The following ACAP3 variants were observed in gnomAD, a reference collection of about 807,000 sequenced individuals.
The protein encoded by ACAP3 is arf-GAP with coiled-coil, ANK repeat and PH domain-containing protein 3.
In ACAP3, 56 loss-of-function variants were observed where a neutral mutation model predicts 104.1. The observed-to-expected ratio is 0.54, with a 90% confidence interval of 0.43 to 0.67. The LOEUF (loss-of-function observed/expected upper bound fraction) is 0.67, where lower values mean the gene tolerates loss of function less well. Among genes scored for constraint, ACAP3 ranks in the 30% least tolerant of loss-of-function variants. The pLI is 0.00. For synonymous variants in ACAP3, 628 were observed against 496.2 expected, an observed-to-expected ratio of 1.27 and a Z score of -3.53; for missense variants, 1,208 against 1,174.9, an observed-to-expected ratio of 1.03 and a Z score of -0.41.
intron 19 of ACAP3, 70 bp from the exon 20 acceptor site, chr1:1,294,886 G>C (rs1329446891): frequency 6.7e-7 from 1 of 1,484,842 alleles, no homozygotes; most frequent in Non-Finnish European, 9.1e-7. Flanking sequence ...CTGGGGCAAG[G>C]CTGGAACTCC....
Position 1,296,238 on chromosome 1 carries a change from CAGCGTCAGGG to C in ACAP3, c.1370_1379del (p.Ser457TrpfsTer9). The C allele has an allele frequency of 6.4e-7, 1 of 1,565,416 alleles. No homozygotes were observed. The highest frequency in any genetic ancestry group is 8.7e-7 in the Non-Finnish European group (1 of 1,154,876). ...TTAGCAGCTCAGGCTCCCACGAGTC[CAGCGTCAGGG>C]ACCGCACCTTGGAGCAGTGGACACC... On this transcript the variant is annotated frameshift_variant, in exon 16 of 24. Transcript: ENST00000354700. LOFTEE classifies it high-confidence loss of function.
chr1:1,306,862 G>A (rs914226524), intron 1 of ACAP3, among the ~76,000 whole-genome samples: 5 of 152,236 alleles, frequency 3.3e-5, no homozygotes, highest in Admixed American at 2.6e-4. Flanking sequence ...CACAGTACGT[G>A]AACCCACACA....
chr1:1,304,001 G>T, intron 2 of ACAP3, 85 bp downstream of exon 2: 1 of 1,503,136 alleles, frequency 6.7e-7, no homozygotes, highest in Non-Finnish European at 9.0e-7. Flanking sequence ...GGTGTAAGTG[G>T]CTTAGTAAGG....
chr1:1,298,551 G>T lies in ACAP3; in HGVS notation c.863+16C>A. Reference sequence around the variant, plus strand: ...CCGCCTAAGGACCCCGCCCCCACCTGAGGAAGGCCTCTCACCGGTTCCATG... The same window carrying T: ...CCGCCTAAGGACCCCGCCCCCACCTTAGGAAGGCCTCTCACCGGTTCCATG... On this transcript the variant is annotated intron_variant, in intron 11 of 23. Transcript: ENST00000354700. The T allele has an allele frequency of 2.3e-6, 3 of 1,280,688 alleles. No homozygotes were observed. Among genetic ancestry groups the T allele is most frequent in the Non-Finnish European group, 2.1e-6 (2 of 944,664 alleles). 79.3% of individuals were successfully genotyped at this position (1,280,688 alleles called of 1,614,324 possible). A position where few individuals can be genotyped will look rare whatever the true frequency, so the allele number is the denominator to read the frequency against.
chr1:1,294,937 C>G, intron 19 of ACAP3, 121 bp from the exon 20 acceptor site: 1 of 960,460 alleles, frequency 1.0e-6, no homozygotes, highest in Non-Finnish European at 1.5e-6. Context: ...AGGACCAGCT[C>G]CCACCCAGGG....
In ACAP3 at chr1:1,303,910, T is replaced by A; in HGVS notation, c.105+176A>T. ...TCAGGGCCAGCCACATGTGTGCATG[T>A]GACATGTGCACCCTGGAACACACAT... On this transcript the variant is annotated intron_variant, in intron 2 of 23. Transcript: ENST00000354700. The surrounding 1 kb of genome is among the most constrained non-coding windows in gnomAD (Gnocchi z 4.0). The A allele has an allele frequency of 1.3e-6, 1 of 757,280 alleles. No individual in the cohort carries two copies. The highest frequency in any genetic ancestry group is 1.7e-5 in the South Asian group (1 of 57,202). The allele number at this position is 757,280 out of a possible 1,614,324, so 46.9% of individuals were successfully genotyped here. A position where few individuals can be genotyped will look rare whatever the true frequency, so the allele number is the denominator to read the frequency against.
At chr1:1,295,702 C>T (rs1326327899) in intron 18 of ACAP3, 34 bp downstream of exon 18, 18 of 1,575,998 alleles carry the variant, frequency 1.1e-5, no homozygotes, top group Non-Finnish European at 1.4e-5. Flanking sequence ...CCAAGGCAAG[C>T]CCCTCCCAGC....
intron 14 of ACAP3, among the ~76,000 whole-genome samples, 161 bp from the exon 15 acceptor site, chr1:1,296,794 G>C (rs1054588903): frequency 1.6e-4 from 24 of 145,976 alleles, no homozygotes; most frequent in East Asian, 2.0e-4. Context: ...TGGGCAGATG[G>C]CCCCCCCCTC....
In ACAP3 at chr1:1,303,719, C is replaced by A. The variant is rs546762055; in HGVS notation, c.105+367G>T. ...TGGGGCTCATGGACACGGCTCCCCC[C>A]TCCACGGCCTGTTGCCCCCTCCCCT... On this transcript the variant is annotated intron_variant, in intron 2 of 23. Transcript: ENST00000354700. This position sits in a 1 kb window ranked among gnomAD's most constrained non-coding sequence, Gnocchi z 4.0. 1 of 432,638 alleles carries A rather than the reference C, an allele frequency of 2.3e-6. No individual in the cohort carries two copies. The highest frequency in any genetic ancestry group is 4.2e-6 in the Non-Finnish European group (1 of 236,958). The allele number at this position is 432,638 out of a possible 1,614,324, so 26.8% of individuals were successfully genotyped here.
chr1:1,294,555 G>A lies in ACAP3; in HGVS notation c.1986C>T (p.Asp662=), dbSNP rs1442563205. ...AGAGCCCCGGGTGCAGCTCGCGCACGTCCGCCAGGCCCCAGGCCTCGGCCT... is the reference window on the plus strand; with the variant it reads ...AGAGCCCCGGGTGCAGCTCGCGCACATCCGCCAGGCCCCAGGCCTCGGCCT... ...DTEAEAWGLA[D]VRELHPGLLA... Residue 662 remains aspartate (D), a synonymous_variant, in exon 21 of 24, where the codon GAC becomes GAT. Coordinates refer to ENST00000354700, the MANE Select transcript of ACAP3 (RefSeq NM_030649.3). 6.7e-7 allele frequency: 1 copy of A among 1,501,214 alleles called. No individual in the cohort carries two copies. Among genetic ancestry groups the A allele is most frequent in the Non-Finnish European group, 8.8e-7 (1 of 1,134,300 alleles). The allele number at this position is 1,501,214 out of a possible 1,614,324, so 93.0% of individuals were successfully genotyped here.
rs761882616 is a variant in ACAP3, at chr1:1,293,661, G to A, written c.2408C>T (p.Ala803Val). Reference protein sequence around the residue: ...MAEEMREAEAAPGPPGALAGS... With the variant: ...MAEEMREAEAVPGPPGALAGS... ...CGCCAGGGCGCCCGGGGGACCAGGG[G>A]CAGCCTCGGCCTCGCGCATTTCCTC... is the stretch of plus-strand genomic sequence containing the variant. The change falls in exon 24 of 24, where the codon GCC becomes GTC. Residue 803 changes from alanine to valine, a missense_variant. Transcript: ENST00000354700. 3.5e-5 allele frequency: 52 copies of A among 1,469,386 alleles called. No individual in the cohort carries two copies. Among genetic ancestry groups the A allele is most frequent in the African/African-American group, 1.5e-4 (10 of 65,604 alleles). 91.0% of individuals were successfully genotyped at this position (1,469,386 alleles called of 1,614,324 possible).
intron 14 of ACAP3, 51 bp downstream of exon 14, chr1:1,297,771 G>T (rs368880856): frequency 6.4e-7 from 1 of 1,557,582 alleles, no homozygotes; most frequent in African/African-American, 1.4e-5. Flanking sequence ...GGCCATCCCC[G>T]GTGGCACGTG....
intron 6 of ACAP3, 84 bp from the exon 7 acceptor site, chr1:1,300,286 G>C: frequency 6.8e-7 from 1 of 1,475,350 alleles, no homozygotes; most frequent in Non-Finnish European, 9.1e-7. Context: ...CACCTGAGCT[G>C]CTTGTGGTTC....
Position 1,294,245 on chromosome 1 carries a change from C to G in ACAP3, c.2140-46G>C, listed in dbSNP as rs781102648. ...AGACGGAGCCACGGCACCGGCCCCT[C>G]TCCGCGCCTCTGCACCCTGACCCCG... On this transcript the variant is annotated intron_variant, in intron 21 of 23. Transcript: ENST00000354700. The G allele has an allele frequency of 1.5e-4, 224 of 1,537,774 alleles. 1 individual carries two copies. Among genetic ancestry groups the G allele is most frequent in the Non-Finnish European group, 5.5e-5 (63 of 1,136,972 alleles).
In ACAP3 at chr1:1,303,586, A is replaced by G; in HGVS notation, c.106-305T>C. On this transcript the variant is annotated intron_variant, in intron 2 of 23. Transcript: ENST00000354700. This position sits in a 1 kb window ranked among gnomAD's most constrained non-coding sequence, Gnocchi z 4.0. ...GTGGGGCTCATGGATAAGGCTGCCCACTCCCAGCTCCACGGCCTGTTGCCC... is the reference window on the plus strand; with the variant it reads ...GTGGGGCTCATGGATAAGGCTGCCCGCTCCCAGCTCCACGGCCTGTTGCCC... 2.1e-6 allele frequency: 1 copy of G among 478,826 alleles called. No homozygotes were observed. Among genetic ancestry groups the G allele is most frequent in the Non-Finnish European group, 3.8e-6 (1 of 266,138 alleles). The allele number at this position is 478,826 out of a possible 1,614,324, so 29.7% of individuals were successfully genotyped here. A position where few individuals can be genotyped will look rare whatever the true frequency, so the allele number is the denominator to read the frequency against.
rs890418445 is a variant in ACAP3, at chr1:1,303,485, C to T, written c.106-204G>A. 1.3e-5 allele frequency: 9 copies of T among 668,342 alleles called. No homozygotes were observed. The highest frequency in any genetic ancestry group is 1.1e-4 in the African/African-American group (6 of 54,826). 41.4% of individuals were successfully genotyped at this position (668,342 alleles called of 1,614,324 possible). ...CCCGTCTGGGAGGGGAGGGTGGGGC[C>T]GCCACGGCTCGGCTGGGAGGGACCA... On this transcript the variant is annotated intron_variant, in intron 2 of 23. Transcript: ENST00000354700. The surrounding 1 kb of genome is among the most constrained non-coding windows in gnomAD (Gnocchi z 4.0).
rs1435109669 is a variant in ACAP3, at chr1:1,297,224, G to A, written c.1129-591C>T. ...GTGTGTGCACAGGCGCGGGGCAGGGGCCATCCCCGGTGGCACATGTGTGCA... is the reference window on the plus strand; with the variant it reads ...GTGTGTGCACAGGCGCGGGGCAGGGACCATCCCCGGTGGCACATGTGTGCA... On this transcript the variant is annotated intron_variant, in intron 14 of 23. Coordinates refer to ENST00000354700, the MANE Select transcript of ACAP3 (RefSeq NM_030649.3). Among the ~76,000 whole-genome samples, 19 of 113,864 alleles carry A rather than the reference G, an allele frequency of 1.7e-4. No individual in the cohort carries two copies. The Middle Eastern group carries it at 0.012, about 69-fold the overall frequency. 74.7% of individuals were successfully genotyped at this position (113,864 alleles called of 152,430 possible). A position where few individuals can be genotyped will look rare whatever the true frequency, so the allele number is the denominator to read the frequency against.
intron 1 of ACAP3, chr1:1,307,303 C>T: frequency 7.8e-7 from 1 of 1,289,214 alleles, no homozygotes; most frequent in Non-Finnish European, 1.0e-6. Context: ...GCCCCTGGGT[C>T]ATTCAAACCA....
intron 1 of ACAP3, 68 bp from the exon 2 acceptor site, chr1:1,304,211 C>CTCAGGGAGGT: frequency 6.5e-7 from 1 of 1,536,488 alleles, no homozygotes; most frequent in Non-Finnish European, 8.8e-7. Context: ...CACCTCCCCC[C>CTCAGGGAGGT]GCACCTCCCT....
Sources: gnomAD v4.1 joint callset for allele counts (sites outside exome capture counted in the v4.1 genomes callset) on GRCh38, gnomAD v4.1.1 for gene constraint, Gnocchi (gnomAD v3.1) non-coding constraint, MANE v1.5 for transcripts, NCBI Gene and HGNC (gene_info 2026-07-23, HGNC 2026-07-21) for gene names.